Variants in SLC22A23 observed in about 807,000 individuals in gnomAD.
The protein encoded by SLC22A23 is ion transporter protein.
Under a neutral mutation model 61.0 loss-of-function variants are expected in SLC22A23, and 26 were observed. The ratio of observed to expected loss-of-function variants is 0.43; its 90% confidence interval spans 0.31 to 0.59. SLC22A23 has a LOEUF of 0.59. Among genes scored for constraint, SLC22A23 ranks in the 20% least tolerant of loss-of-function variants. The pLI, the probability that SLC22A23 is intolerant of heterozygous loss-of-function variation, is 0.11. For synonymous variants in SLC22A23, 430 were observed against 413.9 expected (o/e 1.04, Z -0.47); for missense variants, 796 against 934.7 (o/e 0.85, Z 1.94).
chr6:3,329,596 C>T lies in SLC22A23; in HGVS notation c.914-5594G>A, dbSNP rs1763471634. Reference sequence around the variant, plus strand: ...TAGAGGTGGGGGTTAGATTCCTCCCCGGCCTCTGCTGGGCGGTGTGAAGTT... The same window carrying T: ...TAGAGGTGGGGGTTAGATTCCTCCCTGGCCTCTGCTGGGCGGTGTGAAGTT... On this transcript the variant is annotated intron_variant, in intron 3 of 9. Coordinates refer to ENST00000406686, the MANE Select transcript of SLC22A23 (RefSeq NM_015482.2). The surrounding 1 kb of genome is among the most constrained non-coding windows in gnomAD (Gnocchi z 4.8). Among the ~76,000 whole-genome samples the T allele has an allele frequency of 6.6e-6, 1 of 152,182 alleles. No homozygotes were observed. The highest frequency in any genetic ancestry group is 1.5e-5 in the Non-Finnish European group (1 of 68,026).
intron 1 of SLC22A23, among the ~76,000 whole-genome samples, chr6:3,455,053 T>C (rs555472651): frequency 1.3e-5 from 2 of 152,292 alleles, no homozygotes; most frequent in African/African-American, 4.8e-5. Flanking sequence ...AGAATAAAAT[T>C]ACAGCTGTCT....
chr6:3,323,210 G>A, intron 4 of SLC22A23: 5 of 456,058 alleles, frequency 1.1e-5, no homozygotes, highest in Non-Finnish European at 2.2e-5. Context: ...GGGTGGGCAA[G>A]CTATTTTTTG....
chr6:3,448,902 CGGAGAG>C (rs139481642), intron 1 of SLC22A23, among the ~76,000 whole-genome samples: 1,767 of 151,972 alleles, frequency 0.012, 31 homozygotes, highest in African/African-American at 0.041. Flanking sequence ...CAGAGGGAGA[CGGAGAG>C]GGAGAGGGAG....
At position 3,287,078 on chromosome 6, in the gene SLC22A23, C is replaced by G; in HGVS notation, c.1327G>C (p.Gly443Arg). The G allele has an allele frequency of 6.2e-7, 1 of 1,614,090 alleles. No homozygotes were observed. The highest frequency in any genetic ancestry group is 8.5e-7 in the Non-Finnish European group (1 of 1,179,992). Residue 443 changes from glycine (G) to arginine (R), a missense_variant, in exon 7 of 10, where the codon GGG becomes CGG. Gly to Arg is a moderately radical substitution (Grantham distance 125). Coordinates refer to ENST00000406686, the MANE Select transcript of SLC22A23 (RefSeq NM_015482.2). ...VLCVNSLTGY[G>R]IHHCFARSMM... ...CTCCTGGCAAAGCAGTGGTGGATCC[C>G]GTACCCCGTCAGCCTGTGGAGACAT...
At chr6:3,293,151 T>C (rs1460496242) in intron 5 of SLC22A23, among the ~76,000 whole-genome samples, 1 of 152,156 alleles carries the variant, frequency 6.6e-6, no homozygotes, top group Non-Finnish European at 1.5e-5. Flanking sequence ...TTTGTTGTCA[T>C]CCTAGTGGAC....
At chr6:3,377,622 CTG>C (rs1366630045) in intron 3 of SLC22A23, among the ~76,000 whole-genome samples, 2 of 152,272 alleles carry the variant, frequency 1.3e-5, no homozygotes, top group Non-Finnish European at 2.9e-5. Flanking sequence ...GAGGAGTAAA[CTG>C]TGCCCCTCCA....
intron 9 of SLC22A23, among the ~76,000 whole-genome samples, chr6:3,279,709 T>C (rs1759257860): frequency 6.6e-6 from 1 of 151,932 alleles, no homozygotes; most frequent in Admixed American, 6.6e-5. Context: ...GCCAGTGCCT[T>C]TTCTGCTTTT....
At chr6:3,406,198 A>G (rs1199616434) in intron 3 of SLC22A23, among the ~76,000 whole-genome samples, 1 of 152,192 alleles carries the variant, frequency 6.6e-6, no homozygotes, top group Non-Finnish European at 1.5e-5. Flanking sequence ...AGACACTTTT[A>G]AACAGTATTT....
At chr6:3,356,320 T>A (rs946277919) in intron 3 of SLC22A23, among the ~76,000 whole-genome samples, 6 of 151,336 alleles carry the variant, frequency 4.0e-5, no homozygotes, top group Non-Finnish European at 5.9e-5. Context: ...ATGGAACCGC[T>A]GACAGGATTG....
chr6:3,436,324 T>C (rs1481013863), intron 1 of SLC22A23, among the ~76,000 whole-genome samples: 2 of 152,224 alleles, frequency 1.3e-5, no homozygotes, highest in African/African-American at 4.8e-5. Flanking sequence ...TTAGTAGAGA[T>C]GGTGTTTCAC....
intron 3 of SLC22A23, among the ~76,000 whole-genome samples, chr6:3,374,460 G>C (rs1452096350): frequency 6.6e-6 from 1 of 152,232 alleles, no homozygotes; most frequent in Non-Finnish European, 1.5e-5. Context: ...CTACCTGACA[G>C]TAACAACATG....
chr6:3,330,147 T>A lies in SLC22A23; in HGVS notation c.914-6145A>T, dbSNP rs932419949. Among the ~76,000 whole-genome samples, 4 of 152,150 alleles carry A rather than the reference T, an allele frequency of 2.6e-5. No individual in the cohort carries two copies. ...CAAACCCGCTGTCCTTACAAGTGGA[T>A]CACCCCTCTCCTCCCCTCTCCCAGC... On this transcript the variant is annotated intron_variant, in intron 3 of 9. Coordinates refer to ENST00000406686, the MANE Select transcript of SLC22A23 (RefSeq NM_015482.2). This position sits in a 1 kb window ranked among gnomAD's most constrained non-coding sequence, Gnocchi z 4.7.
chr6:3,449,705 C>T (rs571488055), intron 1 of SLC22A23, among the ~76,000 whole-genome samples: 1 of 152,156 alleles, frequency 6.6e-6, no homozygotes, highest in Non-Finnish European at 1.5e-5. Flanking sequence ...CAGAACCACA[C>T]ATATTATTAG....
chr6:3,273,029 T>TGGAGCCCCG lies in SLC22A23; in HGVS notation c.*17_*25dup. ...CCTGTGCCCAAGCTGCCCCAGACCC[T>TGGAGCCCCG]GGAGCCCCGGGTTCCGCAGGCCGGG... On this transcript the variant is annotated 3_prime_UTR_variant, in exon 10 of 10. Coordinates refer to ENST00000406686, the MANE Select transcript of SLC22A23 (RefSeq NM_015482.2). 6.6e-7 allele frequency: 1 copy of TGGAGCCCCG among 1,512,582 alleles called. No individual in the cohort carries two copies. Among genetic ancestry groups the TGGAGCCCCG allele is most frequent in the Non-Finnish European group, 8.8e-7 (1 of 1,133,472 alleles). The allele number at this position is 1,512,582 out of a possible 1,614,324, so 93.7% of individuals were successfully genotyped here. A position where few individuals can be genotyped will look rare whatever the true frequency, so the allele number is the denominator to read the frequency against.
At chr6:3,349,472 T>C (rs1764638199) in intron 3 of SLC22A23, among the ~76,000 whole-genome samples, 1 of 152,188 alleles carries the variant, frequency 6.6e-6, no homozygotes, top group Non-Finnish European at 1.5e-5. Flanking sequence ...CTCTAGAATG[T>C]GGTTCAACCA....
At chr6:3,440,337 T>A (rs1561984557) in intron 1 of SLC22A23, among the ~76,000 whole-genome samples, 1 of 152,220 alleles carries the variant, frequency 6.6e-6, no homozygotes, top group East Asian at 1.9e-4. Flanking sequence ...AAGAGTGGGC[T>A]TTTAAAGAGG....
At chr6:3,398,421 G>A (rs1227616680) in intron 3 of SLC22A23, among the ~76,000 whole-genome samples, 2 of 150,592 alleles carry the variant, frequency 1.3e-5, no homozygotes, top group African/African-American at 2.4e-5. Context: ...AACAGGAGCA[G>A]GCAGAGCCAA....
At chr6:3,306,901 G>A (rs1677539387) in intron 4 of SLC22A23, among the ~76,000 whole-genome samples, 1 of 152,250 alleles carries the variant, frequency 6.6e-6, no homozygotes, top group Admixed American at 6.5e-5. Context: ...AGGCAGAGGT[G>A]CTGCCAGGCT....
Position 3,273,181 on chromosome 6 carries a change from C to T in SLC22A23, c.1935G>A (p.Lys645=), listed in dbSNP as rs1427729118. 3.1e-6 allele frequency: 5 copies of T among 1,613,018 alleles called. No homozygotes were observed. The highest frequency in any genetic ancestry group is 4.2e-6 in the Non-Finnish European group (5 of 1,179,824). ...HYTRQPLLPH[K]KGEQPLLLTN... ...TGAGCAGCAGTGGCTGCTCCCCCTT[C>T]TTGTGCGGCAGCAGCGGCTGGCGCG... The change falls in exon 10 of 10, where the codon AAG becomes AAA. Residue 645 remains lysine (K), a synonymous_variant. Transcript: ENST00000406686.
Sources: allele counts gnomAD v4.1 joint callset (sites outside exome capture counted in the v4.1 genomes callset), GRCh38; gene constraint gnomAD v4.1.1; non-coding constraint Gnocchi (gnomAD v3.1); transcripts MANE v1.5; gene names NCBI Gene and HGNC (gene_info 2026-07-23, HGNC 2026-07-21).